Variants in TNS3 observed in about 807,000 individuals in gnomAD.
TNS3 encodes the protein tensin 3, also known as tensin-3.
TNS3 carries 45 observed loss-of-function variants against 140.9 expected under a neutral mutation model. The observed-to-expected ratio is 0.32, with a 90% CI of 0.25 to 0.41. TNS3 has a LOEUF of 0.41. Ranked by LOEUF, TNS3 falls within the 10% of genes least tolerant of loss-of-function variation. TNS3 has a pLI of 1.00. For missense variants in TNS3, 1,716 were observed against 1,906.7 expected (o/e 0.90, Z 1.86); for synonymous variants, 815 against 788.4 (o/e 1.03, Z -0.56).
chr7:47,302,047 C>T (rs1472822408), intron 23 of TNS3, 139 bp downstream of exon 23: 2 of 663,450 alleles, frequency 3.0e-6, no homozygotes, highest in Non-Finnish European at 2.7e-6. Context: ...CATGGAATAA[C>T]GTGTGGGCCC....
intron 20 of TNS3, among the ~76,000 whole-genome samples, chr7:47,330,033 G>A (rs1256926981): frequency 1.3e-5 from 2 of 152,180 alleles, no homozygotes; most frequent in Non-Finnish European, 2.9e-5. Flanking sequence ...CAGTGCCAGG[G>A]ACTAAAGTGA....
At chr7:47,357,847 T>C (rs761861327) in intron 17 of TNS3, among the ~76,000 whole-genome samples, 5 of 152,208 alleles carry the variant, frequency 3.3e-5, no homozygotes, top group Non-Finnish European at 5.9e-5. Flanking sequence ...GTGGCATTTC[T>C]TCTAAAAAGG....
intron 2 of TNS3, among the ~76,000 whole-genome samples, chr7:47,524,757 G>C (rs1004904820): frequency 3.6e-5 from 5 of 137,212 alleles, no homozygotes; most frequent in South Asian, 2.4e-4. Flanking sequence ...AGCCGAGATC[G>C]CGCCACTGCA....
chr7:47,522,927 C>CAA (rs370083525), intron 2 of TNS3, among the ~76,000 whole-genome samples: 5 of 139,724 alleles, frequency 3.6e-5, no homozygotes, highest in Non-Finnish European at 3.1e-5. Context: ...GACTCCATCT[C>CAA]AAAAAAAAAA....
intron 4 of TNS3, among the ~76,000 whole-genome samples, chr7:47,479,001 A>T (rs1797310484): frequency 1.3e-5 from 2 of 152,142 alleles, no homozygotes; most frequent in South Asian, 4.2e-4. Flanking sequence ...GGGCTAGAAG[A>T]GCGAGATCTC....
intron 20 of TNS3, among the ~76,000 whole-genome samples, chr7:47,306,088 A>G (rs1384275809): frequency 6.6e-6 from 1 of 152,226 alleles, no homozygotes; most frequent in African/African-American, 2.4e-5. Context: ...ATGAAAACCA[A>G]TAATAAAACT....
chr7:47,361,763 G>A (rs953590981), intron 17 of TNS3, among the ~76,000 whole-genome samples: 4 of 152,132 alleles, frequency 2.6e-5, no homozygotes, highest in Non-Finnish European at 2.9e-5. Context: ...AGCAGATGCC[G>A]AGTCTGGGAG....
rs897103981 is a variant in TNS3 at position 47,441,005 on chromosome 7, T to C, written c.-23+998A>G. Among the ~76,000 whole-genome samples, 4 of 152,320 alleles carry C rather than the reference T, an allele frequency of 2.6e-5. No homozygotes were observed. The South Asian group carries it at 8.3e-4, about 32-fold the overall frequency. On this transcript the variant is annotated intron_variant, in intron 5 of 30. Transcript: ENST00000311160. The stretch of plus-strand genomic sequence containing the variant: ...TATCTCCAGCAATCTCCTCCACCAC[T>C]TTGATTGCTTTAAAGCAATCCCAGA...
intron 20 of TNS3, among the ~76,000 whole-genome samples, chr7:47,305,962 A>G (rs1419752381): frequency 6.6e-6 from 1 of 152,216 alleles, no homozygotes; most frequent in African/African-American, 2.4e-5. Flanking sequence ...ATTGAAATTT[A>G]GAGATTTCCA....
intron 7 of TNS3, 132 bp downstream of exon 7, chr7:47,437,131 A>G: frequency 1.8e-6 from 1 of 555,514 alleles, no homozygotes; most frequent in East Asian, 3.7e-5. Context: ...AATTAAAATA[A>G]TTGATATGAA....
chr7:47,335,489 T>G (rs900008262), intron 20 of TNS3, among the ~76,000 whole-genome samples: 2 of 152,252 alleles, frequency 1.3e-5, no homozygotes, highest in Non-Finnish European at 2.9e-5. Context: ...ATCATTTTCC[T>G]GGAGTAGGTG....
intron 3 of TNS3, among the ~76,000 whole-genome samples, chr7:47,506,671 T>C (rs1259068996): frequency 1.3e-5 from 2 of 152,078 alleles, no homozygotes; most frequent in Non-Finnish European, 2.9e-5. Context: ...GGGACAACTA[T>C]TGAATTCTTA....
intron 16 of TNS3, among the ~76,000 whole-genome samples, chr7:47,383,175 G>A (rs1270399558): frequency 6.6e-6 from 1 of 152,238 alleles, no homozygotes; most frequent in Non-Finnish European, 1.5e-5. Context: ...ATGCACACCA[G>A]CTAACAAATG....
intron 23 of TNS3, among the ~76,000 whole-genome samples, chr7:47,298,730 A>G (rs572658967): frequency 1.4e-3 from 208 of 152,340 alleles, no homozygotes; most frequent in African/African-American, 4.8e-3. Context: ...GGCCCCTCAC[A>G]TGCCCCCAGG....
At chr7:47,558,559 C>T (rs1392964124) in intron 1 of TNS3, among the ~76,000 whole-genome samples, 1 of 152,172 alleles carries the variant, frequency 6.6e-6, no homozygotes, top group African/African-American at 2.4e-5. Context: ...ATTCTAAGGA[C>T]TTGGGGTTCA....
chr7:47,309,434 A>AT (rs1177056008), intron 20 of TNS3, among the ~76,000 whole-genome samples: 3 of 152,212 alleles, frequency 2.0e-5, no homozygotes, highest in African/African-American at 7.2e-5. Flanking sequence ...TGTTTAAAAC[A>AT]TAACTGTGGA....
At chr7:47,384,144 TC>T (rs1791937108) in intron 16 of TNS3, among the ~76,000 whole-genome samples, 1 of 152,210 alleles carries the variant, frequency 6.6e-6, no homozygotes, top group African/African-American at 2.4e-5. Flanking sequence ...CAAGGACTCA[TC>T]CTCCTGAGCT....
intron 2 of TNS3, among the ~76,000 whole-genome samples, chr7:47,525,158 T>A (rs1799146278): frequency 2.0e-5 from 3 of 152,168 alleles, no homozygotes; most frequent in Non-Finnish European, 2.9e-5. Flanking sequence ...TGCTTGTCCA[T>A]GTTGGGTACG....
intron 16 of TNS3, among the ~76,000 whole-genome samples, chr7:47,386,143 A>T (rs1311586094): frequency 6.6e-6 from 1 of 152,254 alleles, no homozygotes; most frequent in African/African-American, 2.4e-5. Context: ...TTCCTTGTTA[A>T]GAAATCATCA....
Sources: allele counts gnomAD v4.1 joint callset (sites outside exome capture counted in the v4.1 genomes callset), GRCh38; gene constraint gnomAD v4.1.1; transcripts MANE v1.5; gene names NCBI Gene and HGNC (gene_info 2026-07-23, HGNC 2026-07-21).